FN1: variants seen among roughly 807,000 people sequenced by gnomAD.
The protein encoded by FN1 is fibronectin.
In FN1, 106 loss-of-function variants were observed where a neutral mutation model predicts 297.3. The ratio of observed to expected loss-of-function variants is 0.36; its 90% CI spans 0.30 to 0.42. The LOEUF is 0.42. FN1 is among the 10% of genes least tolerant of loss of function. The probability of loss-of-function intolerance (pLI) is 1.00; values close to 1 mark genes in which losing one functional copy is unlikely to be tolerated. For missense variants in FN1, 2,690 were observed against 3,124.9 expected (o/e 0.86, Z 3.32); for synonymous variants, 1,149 against 1,152.6 (o/e 1.00, Z 0.06).
chr2:215,408,189 C>T lies in FN1; in HGVS notation c.2437G>A (p.Ala813Thr). ...LSTSQTTAPD[A>T]PPDTTVDQVD... ...TGGTCCACAGTCGTGTCAGGAGGGG[C>T]ATCAGGCGCTAAGAAAGAAAGAAAG... The change falls in exon 17 of 46, where the codon GCC (alanine) becomes ACC (threonine). Residue 813 changes from alanine to threonine, a missense_variant. By Grantham distance (58) the Ala-to-Thr change is moderately conservative. Transcript: ENST00000354785. 1 of 1,613,902 alleles carries T rather than the reference C, an allele frequency of 6.2e-7. No homozygotes were observed. Among genetic ancestry groups the T allele is most frequent in the South Asian group, 1.1e-5 (1 of 91,078 alleles).
chr2:215,394,689 G>C lies in FN1; in HGVS notation c.3635C>G (p.Pro1212Arg), dbSNP rs770173266. ...AGAATTTCCCTGCTGGCCGTTTGTA[G>C]GGGTTGTGGTAATTCTATAACCAGT... ...DITGYRITTTPTNGQQGNSLE... is the reference protein window; with the variant it reads ...DITGYRITTTRTNGQQGNSLE... Residue 1212 changes from proline (P) to arginine (R), a missense_variant, in exon 24 of 46, where the codon CCT becomes CGT. Around this residue, in one of 3 missense-constraint regions of FN1, gnomAD observed 1,743 missense variants for 1,945.2 expected, o/e 0.90. Transcript: ENST00000354785. 2.6e-5 allele frequency: 42 copies of C among 1,613,982 alleles called. No homozygotes were observed. In the South Asian group the frequency reaches 3.2e-4, roughly 12 times the overall value.
At chr2:215,383,626 G>T in intron 30 of FN1, 143 bp from the exon 31 acceptor site, 1 of 886,942 alleles carries the variant, frequency 1.1e-6, no homozygotes, top group Non-Finnish European at 1.8e-6. Flanking sequence ...TACAGAGAGA[G>T]CTTTTAGAGG....
chr2:215,422,285 C>T (rs749553758), intron 9 of FN1, 42 bp from the exon 10 acceptor site: 6 of 1,591,254 alleles, frequency 3.8e-6, no homozygotes, highest in South Asian at 2.2e-5. Flanking sequence ...TAAATGATCA[C>T]CAGGTCTAAA....
chr2:215,434,754 C>T lies in FN1; in HGVS notation c.219G>A (p.Ala73=). ...QQWERTYLGN[A]LVCTCYGGSR... is the part of the protein sequence containing the mutation. ...TTCCTCCATAACAAGTACAAACCAA[C>T]GCATTGCCTAGGTAGGTCCGCTCCC... is the stretch of plus-strand genomic sequence containing the variant. The change falls in exon 2 of 46, where the codon GCG becomes GCA. Residue 73 remains alanine, a synonymous_variant. Coordinates refer to ENST00000354785, the MANE Select transcript of FN1 (RefSeq NM_212482.4). The T allele has an allele frequency of 6.2e-7, 1 of 1,614,064 alleles. No individual in the cohort carries two copies. Among genetic ancestry groups the T allele is most frequent in the Non-Finnish European group, 8.5e-7 (1 of 1,179,932 alleles).
chr2:215,374,324 A>G (rs2056856190), intron 38 of FN1, among the ~76,000 whole-genome samples: 1 of 152,146 alleles, frequency 6.6e-6, no homozygotes, highest in Non-Finnish European at 1.5e-5. Flanking sequence ...GGGAATTTTA[A>G]AGTCCAGGTG....
At chr2:215,425,383 T>G in intron 6 of FN1, 98 bp from the exon 7 acceptor site, 2 of 1,200,626 alleles carry the variant, frequency 1.7e-6, no homozygotes, top group Non-Finnish European at 2.5e-6. Context: ...GAGATCACTC[T>G]GAAATCTATG....
chr2:215,433,386 G>C lies in FN1; in HGVS notation c.353C>G (p.Ser118Cys), dbSNP rs751245603. ...VGDTYERPKD[S>C]MIWDCTCIGA... ...GATGCAGGTACAGTCCCAGATCATGGAGTCTTTAGGACGCTCATAAGTGTC... is the reference window on the plus strand; with the variant it reads ...GATGCAGGTACAGTCCCAGATCATGCAGTCTTTAGGACGCTCATAAGTGTC... Residue 118 changes from serine (S) to cysteine (C), a missense_variant, in exon 3 of 46, where the codon TCC (serine) becomes TGC (cysteine). Coordinates refer to ENST00000354785, the MANE Select transcript of FN1 (RefSeq NM_212482.4). 6.2e-7 allele frequency: 1 copy of C among 1,614,156 alleles called. No individual in the cohort carries two copies. Among genetic ancestry groups the C allele is most frequent in the Non-Finnish European group, 8.5e-7 (1 of 1,180,008 alleles).
In FN1 at chr2:215,384,012, G is replaced by A. The variant is rs769523130; in HGVS notation, c.4894+8C>T. On this transcript the variant is annotated splice_region_variant and intron_variant, in intron 30 of 45. Coordinates refer to ENST00000354785, the MANE Select transcript of FN1 (RefSeq NM_212482.4). ...AAGCTGGTGTCACCCCAGAGTAGAA[G>A]TTTGTACCTGTTCGGTAATTAATGG... 6 of 1,613,926 alleles carry A rather than the reference G, an allele frequency of 3.7e-6. No individual in the cohort carries two copies. The highest frequency in any genetic ancestry group is 5.1e-6 in the Non-Finnish European group (6 of 1,179,830).
rs2289198 is a variant in FN1, at chr2:215,381,935, T to C, written c.5164+277A>G. ...CGGTCTAGGAAAATTTTTTGTAGAT[T>C]TGCTATAGGCAAATAAGATTTCGCT... On this transcript the variant is annotated intron_variant, in intron 32 of 45. Transcript: ENST00000354785. 25 of 402,164 alleles carry C rather than the reference T, an allele frequency of 6.2e-5. No homozygotes were observed. The Middle Eastern group carries it at 3.2e-3, about 51-fold the overall frequency. 24.9% of individuals were successfully genotyped at this position (402,164 alleles called of 1,614,324 possible).
chr2:215,400,934 T>C (rs2060935608), intron 20 of FN1, among the ~76,000 whole-genome samples: 1 of 151,098 alleles, frequency 6.6e-6, no homozygotes, highest in Non-Finnish European at 1.5e-5. Flanking sequence ...TAGCTGGGAC[T>C]ACAGTTGCCC....
intron 15 of FN1, among the ~76,000 whole-genome samples, chr2:215,408,808 G>A (rs1434122686): frequency 2.6e-5 from 4 of 152,082 alleles, no homozygotes; most frequent in African/African-American, 9.7e-5. Context: ...GGCCTCAAGT[G>A]ATCCACCAGC....
chr2:215,435,844 T>C lies in FN1; in HGVS notation c.-42A>G, dbSNP rs540063831. On this transcript the variant is annotated 5_prime_UTR_variant, in exon 1 of 46. Coordinates refer to ENST00000354785, the MANE Select transcript of FN1 (RefSeq NM_212482.4). ...AGAGACGCCCGCACCGGGAGGCAAG[T>C]TGCCACCAAGTTTGCTTCCCTTCGC... The C allele has an allele frequency of 1.3e-6, 2 of 1,513,470 alleles. No individual in the cohort carries two copies. The highest frequency in any genetic ancestry group is 2.5e-5 in the East Asian group (1 of 40,606). 93.8% of individuals were successfully genotyped at this position (1,513,470 alleles called of 1,614,324 possible).
At chr2:215,395,708 C>T (rs956072301) in intron 23 of FN1, among the ~76,000 whole-genome samples, 1 of 152,068 alleles carries the variant, frequency 6.6e-6, no homozygotes, top group South Asian at 2.1e-4. Context: ...GTATATTAAA[C>T]TTTATAAAAG....
intron 40 of FN1, among the ~76,000 whole-genome samples, chr2:215,371,337 T>C (rs1312682564): frequency 6.6e-6 from 1 of 151,188 alleles, no homozygotes; most frequent in South Asian, 2.1e-4. Flanking sequence ...CAATCACTTA[T>C]CAGCTGCTAT....
At chr2:215,381,369 GATTTGATTTTTACA>G in intron 32 of FN1, 1 of 449,908 alleles carries the variant, frequency 2.2e-6, no homozygotes, top group South Asian at 2.3e-5. Context: ...ATTCTACCAC[GATTTGATTTTTACA>G]ATGTGATGTT....
At chr2:215,412,760 C>CTTTTTTTTTTTTTTTTTTTTTTTTTTTT (rs10524797) in intron 13 of FN1, among the ~76,000 whole-genome samples, 1 of 97,570 alleles carries the variant, frequency 1.0e-5, no homozygotes, top group Non-Finnish European at 2.0e-5. Context: ...TATTAAGTAT[C>CTTTTTTTTTTTTTTTTTTTTTTTTTTTT]TTTTTTTTTT....
At chr2:215,394,416 G>T in intron 24 of FN1, 112 bp downstream of exon 24, 1 of 966,860 alleles carries the variant, frequency 1.0e-6, no homozygotes, top group Non-Finnish European at 1.7e-6. Flanking sequence ...CTGGGAGATC[G>T]GAATTAAATC....
intron 15 of FN1, among the ~76,000 whole-genome samples, chr2:215,409,069 G>C (rs1355425546): frequency 6.6e-6 from 1 of 152,098 alleles, no homozygotes; most frequent in Non-Finnish European, 1.5e-5. Flanking sequence ...ATGGGGTGAG[G>C]GTAGAGAGAT....
Position 215,361,372 on chromosome 2 carries a change from C to T in FN1, c.*183G>A. ...TGCAGCCCTCATTTATGAGAAAACC[C>T]TCAGGAAACTCCCAGGGTGATGCTT... On this transcript the variant is annotated 3_prime_UTR_variant, in exon 46 of 46. Coordinates refer to ENST00000354785, the MANE Select transcript of FN1 (RefSeq NM_212482.4). 3.0e-6 allele frequency: 2 copies of T among 670,688 alleles called. No individual in the cohort carries two copies. Among genetic ancestry groups the T allele is most frequent in the Non-Finnish European group, 5.4e-6 (2 of 369,416 alleles). 41.5% of individuals were successfully genotyped at this position (670,688 alleles called of 1,614,324 possible).
Sources: allele counts gnomAD v4.1 joint callset (sites outside exome capture counted in the v4.1 genomes callset), GRCh38; gene constraint gnomAD v4.1.1; regional missense constraint gnomAD v4.1.1; transcripts MANE v1.5; gene names NCBI Gene and HGNC (gene_info 2026-07-23, HGNC 2026-07-21).